The following PTPRN2 variants were observed in gnomAD, a reference collection of about 807,000 sequenced individuals.
PTPRN2 encodes protein tyrosine phosphatase receptor type N2, also known as receptor-type tyrosine-protein phosphatase N2.
PTPRN2 carries 74 observed loss-of-function variants against 118.8 expected under a neutral mutation model. The ratio of observed to expected loss-of-function variants is 0.62; its 90% CI spans 0.52 to 0.76. PTPRN2 has a LOEUF of 0.76. Among genes scored for constraint, PTPRN2 ranks in the 30% least tolerant of loss-of-function variants. The pLI, the probability that PTPRN2 is intolerant of heterozygous loss-of-function variation, is 0.00. For missense variants in PTPRN2, 1,481 were observed against 1,394.4 expected, an observed-to-expected ratio of 1.06 and a Z score of -0.99; for synonymous variants, 641 against 608.0, an observed-to-expected ratio of 1.05 and a Z score of -0.80.
intron 6 of PTPRN2, among the ~76,000 whole-genome samples, chr7:158,147,756 C>T (rs1386118503): frequency 1.6e-4 from 21 of 130,572 alleles, no homozygotes; most frequent in African/African-American, 3.4e-4. Context: ...CCCTCAATGA[C>T]ACCCCACCTC....
chr7:158,383,920 G>A (rs1313058939), intron 2 of PTPRN2, among the ~76,000 whole-genome samples: 4 of 152,278 alleles, frequency 2.6e-5, no homozygotes, highest in South Asian at 2.1e-4. Flanking sequence ...ACTATGCTCC[G>A]GAAAGCGTGA....
chr7:158,085,799 C>T (rs1813343262), intron 10 of PTPRN2, among the ~76,000 whole-genome samples: 1 of 145,882 alleles, frequency 6.9e-6, no homozygotes, highest in African/African-American at 2.6e-5. Context: ...GACGCCCATC[C>T]ACACATGCCC....
chr7:158,202,294 T>C (rs962881156), intron 4 of PTPRN2, among the ~76,000 whole-genome samples: 1 of 152,200 alleles, frequency 6.6e-6, no homozygotes, highest in Non-Finnish European at 1.5e-5. Flanking sequence ...AGGAAGACGA[T>C]GGGCCACACT....
intron 1 of PTPRN2, among the ~76,000 whole-genome samples, chr7:158,523,795 AGTC>A (rs1170457738): frequency 2.9e-4 from 14 of 47,926 alleles, no homozygotes; most frequent in Admixed American, 5.3e-4. Flanking sequence ...CCTGGAGTGG[AGTC>A]GTCTGCCCTG....
chr7:158,122,481 G>A (rs945171374), intron 9 of PTPRN2, among the ~76,000 whole-genome samples: 1 of 152,158 alleles, frequency 6.6e-6, no homozygotes, highest in African/African-American at 2.4e-5. Context: ...TGAGTGCACG[G>A]GTGGACGCAT....
At chr7:158,279,705 C>G (rs969729318) in intron 3 of PTPRN2, among the ~76,000 whole-genome samples, 1 of 152,050 alleles carries the variant, frequency 6.6e-6, no homozygotes, top group Non-Finnish European at 1.5e-5. Context: ...GGCTCCCATC[C>G]GCGCTTCTCC....
intron 11 of PTPRN2, among the ~76,000 whole-genome samples, chr7:157,932,389 CAGT>C (rs66972471): frequency 0.31 from 47,207 of 151,806 alleles, 7,671 homozygotes; most frequent in Non-Finnish European, 0.38. Context: ...GAAAATCCTT[CAGT>C]TCAGTCTTTC....
chr7:157,897,966 G>A (rs1272252531), intron 12 of PTPRN2, among the ~76,000 whole-genome samples: 1 of 152,288 alleles, frequency 6.6e-6, no homozygotes, highest in Non-Finnish European at 1.5e-5. Flanking sequence ...CAGAGGAGGC[G>A]CGTCCGCGCT....
In PTPRN2 at chr7:157,881,549, C is replaced by T. The variant is rs903229402; in HGVS notation, c.1788+17124G>A. Among the ~76,000 whole-genome samples the T allele has an allele frequency of 1.8e-4, 28 of 152,114 alleles. No homozygotes were observed. The highest frequency in any genetic ancestry group is 2.4e-4 in the Non-Finnish European group (16 of 68,022). ...ATTCTGTTGTGGCAGCCAGAGAGGA[C>T]GCACATGGTCAACATGGCAACACCC... is the stretch of plus-strand genomic sequence containing the variant. On this transcript the variant is annotated intron_variant, in intron 12 of 22. Coordinates refer to ENST00000389418, the MANE Select transcript of PTPRN2 (RefSeq NM_002847.5). The surrounding 1 kb of genome is among the most constrained non-coding windows in gnomAD (Gnocchi z 4.7).
intron 2 of PTPRN2, among the ~76,000 whole-genome samples, chr7:158,440,827 G>T (rs538186284): frequency 6.9e-6 from 1 of 145,942 alleles, no homozygotes; most frequent in Non-Finnish European, 1.5e-5. Context: ...AGTAGTGGTG[G>T]TGGTGGTGAT....
rs557591860 is a variant in PTPRN2, at chr7:158,469,436, T to C, written c.163+20299A>G. Among the ~76,000 whole-genome samples the C allele has an allele frequency of 3.1e-3, 473 of 152,084 alleles. 1 individual carries two copies. The highest frequency in any genetic ancestry group is 0.011 in the African/African-American group (452 of 41,474). ...CAGCCTGGGCAACAGAGGGAGACCA[T>C]CTCCCCTGTCTCAACAACAACAACA... is the stretch of plus-strand genomic sequence containing the variant. On this transcript the variant is annotated intron_variant, in intron 2 of 22. Coordinates refer to ENST00000389418, the MANE Select transcript of PTPRN2 (RefSeq NM_002847.5).
chr7:158,386,721 G>C (rs117725060), intron 2 of PTPRN2, among the ~76,000 whole-genome samples: 1,738 of 152,304 alleles, frequency 0.011, 14 homozygotes, highest in South Asian at 0.016. Context: ...ACCTACCAGC[G>C]ATCAAGTTCA....
rs71200024 is a variant in PTPRN2 at position 158,443,061 on chromosome 7, A to AG, written c.163+46673dup. On this transcript the variant is annotated intron_variant, in intron 2 of 22. Coordinates refer to ENST00000389418, the MANE Select transcript of PTPRN2 (RefSeq NM_002847.5). ...AATAAGTATTAAAAAAAAAAAAAAA[A>AG]GCAAAAAAACACCTTTTTTGTTCCC... 1.1e-4 allele frequency among the ~76,000 whole-genome samples: 16 copies of AG among 150,704 alleles called. No homozygotes were observed. In the East Asian group the frequency reaches 2.2e-3, roughly 20 times the overall value.
At chr7:157,708,966 A>G (rs746184303) in intron 12 of PTPRN2, among the ~76,000 whole-genome samples, 3 of 152,168 alleles carry the variant, frequency 2.0e-5, no homozygotes, top group Non-Finnish European at 4.4e-5. Flanking sequence ...TTGAAAAGAG[A>G]TAACTGTCAC....
At chr7:157,862,696 C>T (rs778248713) in intron 12 of PTPRN2, 10 of 152,254 alleles carry the variant, frequency 6.6e-5, no homozygotes, top group Non-Finnish European at 1.0e-4. Context: ...GATTTAAAAA[C>T]GCTTATGGGA....
At chr7:158,021,233 T>C (rs1408872699) in intron 11 of PTPRN2, among the ~76,000 whole-genome samples, 1 of 152,196 alleles carries the variant, frequency 6.6e-6, no homozygotes, top group African/African-American at 2.4e-5. Flanking sequence ...ATTTGCTTTG[T>C]TAGAACACAG....
chr7:158,038,910 T>G (rs186102527), intron 11 of PTPRN2, among the ~76,000 whole-genome samples: 65 of 151,800 alleles, frequency 4.3e-4, no homozygotes, highest in African/African-American at 1.2e-3. Context: ...ATGAGGAAAT[T>G]TGAATGGCTA....
intron 11 of PTPRN2, among the ~76,000 whole-genome samples, chr7:157,976,300 C>A (rs1179132232): frequency 1.3e-5 from 2 of 152,202 alleles, no homozygotes; most frequent in Non-Finnish European, 2.9e-5. Context: ...CAGCCGAGTT[C>A]CAGCAGAGTT....
intron 3 of PTPRN2, among the ~76,000 whole-genome samples, chr7:158,247,243 C>A (rs1318191776): frequency 6.6e-6 from 1 of 152,204 alleles, no homozygotes; most frequent in African/African-American, 2.4e-5. Context: ...CTCTGAGACG[C>A]CCCCTGGCCA....
Sources: allele counts gnomAD v4.1 joint callset (sites outside exome capture counted in the v4.1 genomes callset), GRCh38; gene constraint gnomAD v4.1.1; non-coding constraint Gnocchi (gnomAD v3.1); transcripts MANE v1.5; gene names NCBI Gene and HGNC (gene_info 2026-07-23, HGNC 2026-07-21).